The following ARHGEF6 variants were observed in gnomAD, a reference collection of about 807,000 sequenced individuals.
ARHGEF6 encodes Rac/Cdc42 guanine nucleotide exchange factor 6.
Under a neutral mutation model 70.3 loss-of-function variants are expected in ARHGEF6, and 9 were observed. The observed-to-expected ratio is 0.13, with a 90% CI of 0.08 to 0.22. ARHGEF6 has a LOEUF of 0.22. ARHGEF6 is among the 10% of genes least tolerant of loss of function. The probability of loss-of-function intolerance (pLI) is 1.00; values close to 1 mark genes in which losing one functional copy is unlikely to be tolerated. For missense variants in ARHGEF6, 470 were observed against 563.0 expected, an observed-to-expected ratio of 0.83 and a Z score of 1.67; for synonymous variants, 201 against 207.8, an observed-to-expected ratio of 0.97 and a Z score of 0.28.
chrX:136,672,918 T>C (rs956342589), intron 19 of ARHGEF6, among the ~76,000 whole-genome samples: 1 of 112,080 alleles, frequency 8.9e-6, no homozygotes, highest in African/African-American at 3.3e-5. Flanking sequence ...TGCCTTCACT[T>C]GACCACCTCC....
chrX:136,686,977 T>C (rs1364207712), intron 11 of ARHGEF6, among the ~76,000 whole-genome samples: 1 of 109,046 alleles, frequency 9.2e-6, no homozygotes, highest in Non-Finnish European at 1.9e-5. Flanking sequence ...ATAAATATAC[T>C]AAACCATCAA....
chrX:136,748,304 T>C (rs908843542), intron 2 of ARHGEF6, among the ~76,000 whole-genome samples: 1 of 112,028 alleles, frequency 8.9e-6, no homozygotes, highest in African/African-American at 3.2e-5. Flanking sequence ...ATATGACCTC[T>C]GGCCTGTCTA....
intron 5 of ARHGEF6, among the ~76,000 whole-genome samples, chrX:136,741,537 T>TTTG (rs1556297507): frequency 8.5e-5 from 9 of 105,630 alleles, no homozygotes; most frequent in African/African-American, 2.9e-4. Flanking sequence ...TTTTTTTTTT[T>TTTG]TGTGTGTGTG....
intron 2 of ARHGEF6, among the ~76,000 whole-genome samples, chrX:136,778,826 G>A (rs1013852118): frequency 1.8e-5 from 2 of 111,765 alleles, no homozygotes; most frequent in African/African-American, 3.3e-5. Flanking sequence ...TAGCATGTCC[G>A]TTTTACAGAT....
intron 12 of ARHGEF6, 83 bp from the exon 13 acceptor site, chrX:136,682,927 C>T (rs2076347322): frequency 1.3e-6 from 1 of 761,436 alleles, no homozygotes; most frequent in Non-Finnish European, 2.0e-6. Context: ...TGCCTTATAA[C>T]ATAGACCTTA....
chrX:136,752,726 G>A (rs1368751744), intron 2 of ARHGEF6, among the ~76,000 whole-genome samples: 1 of 112,235 alleles, frequency 8.9e-6, no homozygotes, highest in Admixed American at 9.4e-5. Flanking sequence ...AAAAGCAAGT[G>A]ATACATTGGG....
intron 6 of ARHGEF6, among the ~76,000 whole-genome samples, chrX:136,724,683 TCTCA>T (rs2148636235): frequency 9.1e-6 from 1 of 110,293 alleles, no homozygotes; most frequent in South Asian, 3.9e-4. Context: ...TGAGACAGAG[TCTCA>T]CTATGTTGCC....
chrX:136,731,388 G>A (rs1054959133), intron 6 of ARHGEF6, among the ~76,000 whole-genome samples: 3 of 111,764 alleles, frequency 2.7e-5, no homozygotes, highest in East Asian at 2.8e-4. Flanking sequence ...CAGGGCCGGG[G>A]GAATGACAAG....
chrX:136,766,837 C>A (rs2077319319), intron 2 of ARHGEF6, among the ~76,000 whole-genome samples: 1 of 112,599 alleles, frequency 8.9e-6, no homozygotes, highest in Non-Finnish European at 1.9e-5. Context: ...ACTGTTGACT[C>A]CTGCTCTGGT....
intron 18 of ARHGEF6, 100 bp from the exon 19 acceptor site, chrX:136,675,196 A>G (rs1244418354): frequency 6.9e-6 from 5 of 729,631 alleles, no homozygotes. Context: ...TTCTCTGACC[A>G]GTAGAGTTTG....
chrX:136,766,194 G>A (rs1025088837), intron 2 of ARHGEF6, among the ~76,000 whole-genome samples: 1 of 111,990 alleles, frequency 8.9e-6, no homozygotes, highest in African/African-American at 3.3e-5. Context: ...GACTGTGGCT[G>A]GAGCAAATGA....
intron 6 of ARHGEF6, among the ~76,000 whole-genome samples, chrX:136,730,651 C>T (rs1825928390): frequency 9.0e-6 from 1 of 111,724 alleles, no homozygotes; most frequent in Non-Finnish European, 1.9e-5. Flanking sequence ...CCATACAGAT[C>T]TTTATATACT....
rs375729345 is a variant in ARHGEF6 at position 136,668,051 on chromosome X, C to T, written c.2309G>A (p.Ser770Asn). The T allele has an allele frequency of 2.5e-6, 3 of 1,212,079 alleles. No individual in the cohort carries two copies. Among genetic ancestry groups the T allele is most frequent in the Non-Finnish European group, 2.2e-6 (2 of 895,558 alleles). The change falls in exon 22 of 22, where the codon AGC (serine) becomes AAC (asparagine). Residue 770 changes from serine to asparagine, a missense_variant. Physicochemically the swap from Ser to Asn is conservative, Grantham distance 46. This residue lies in a region of ARHGEF6 where 88 missense variants were observed against 95.5 expected (regional missense o/e 0.92). Coordinates refer to ENST00000250617, the MANE Select transcript of ARHGEF6 (RefSeq NM_004840.3). The stretch of plus-strand genomic sequence containing the variant: ...TGGTTATGGAAGAATTGAGGTCTTG[C>T]TACTGGACTCGCCTCGAATACACTC... ...TDECIRGESSSKTSILP is the reference protein window; with the variant it reads ...TDECIRGESSNKTSILP
intron 2 of ARHGEF6, among the ~76,000 whole-genome samples, chrX:136,770,735 C>T (rs1345230149): frequency 6.2e-5 from 7 of 113,014 alleles, no homozygotes; most frequent in East Asian, 5.5e-4. Context: ...GTGGCTCACA[C>T]CTGTAATCCC....
chrX:136,682,525 C>T (rs2076342751), intron 13 of ARHGEF6, among the ~76,000 whole-genome samples: 1 of 111,884 alleles, frequency 8.9e-6, no homozygotes, highest in South Asian at 3.7e-4. Context: ...GCATGCAAAA[C>T]CTAGTGCATA....
intron 11 of ARHGEF6, among the ~76,000 whole-genome samples, chrX:136,686,717 T>TATAC (rs1569394243): frequency 7.2e-4 from 56 of 77,300 alleles, no homozygotes; most frequent in African/African-American, 3.4e-3. Flanking sequence ...TACATATATA[T>TATAC]ATATATATAT....
chrX:136,753,202 A>T (rs2077170806), intron 2 of ARHGEF6, among the ~76,000 whole-genome samples: 1 of 112,460 alleles, frequency 8.9e-6, no homozygotes, highest in Non-Finnish European at 1.9e-5. Context: ...GATATGGACC[A>T]AACTTAAGGG....
intron 2 of ARHGEF6, among the ~76,000 whole-genome samples, chrX:136,749,443 G>C (rs1233092646): frequency 9.0e-6 from 1 of 111,370 alleles, no homozygotes; most frequent in African/African-American, 3.3e-5. Flanking sequence ...GAGATGAGTA[G>C]ATCTAAAATA....
At chrX:136,765,965 AC>A (rs1379663884) in intron 2 of ARHGEF6, among the ~76,000 whole-genome samples, 2 of 112,905 alleles carry the variant, frequency 1.8e-5, no homozygotes, top group African/African-American at 6.4e-5. Flanking sequence ...CAGCACCCAG[AC>A]TAAGACAGAA....
Sources: allele counts gnomAD v4.1 joint callset (sites outside exome capture counted in the v4.1 genomes callset), GRCh38; gene constraint gnomAD v4.1.1; regional missense constraint gnomAD v4.1.1; transcripts MANE v1.5; gene names NCBI Gene and HGNC (gene_info 2026-07-23, HGNC 2026-07-21).